Variants in A2ML1 observed in about 807,000 individuals in gnomAD.
The protein encoded by A2ML1 is alpha-2-macroglobulin-like protein 1.
Under a neutral mutation model 181.9 loss-of-function variants are expected in A2ML1, and 161 were observed. The observed-to-expected ratio is 0.89, with a 90% CI of 0.78 to 1.01. The LOEUF is 1.01. Ranked by LOEUF, A2ML1 falls within the 50% of genes least tolerant of loss-of-function variation. A2ML1 has a pLI of 0.00. For missense variants in A2ML1, 1,670 were observed against 1,768.1 expected, an observed-to-expected ratio of 0.94 and a Z score of 1.00; for synonymous variants, 663 against 666.8, an observed-to-expected ratio of 0.99 and a Z score of 0.09.
intron 33 of A2ML1, among the ~76,000 whole-genome samples, chr12:8,870,853 C>G (rs1944600126): frequency 6.6e-6 from 1 of 152,120 alleles, no homozygotes; most frequent in African/African-American, 2.4e-5. Flanking sequence ...CTCAGTGTGT[C>G]CTGCCAAATC....
At chr12:8,851,267 A>T (rs1481807519) in intron 18 of A2ML1, among the ~76,000 whole-genome samples, 1 of 152,192 alleles carries the variant, frequency 6.6e-6, no homozygotes, top group Non-Finnish European at 1.5e-5. Context: ...GCTTGCACAG[A>T]GATGCCCACC....
intron 7 of A2ML1, 144 bp downstream of exon 7, chr12:8,836,483 T>A (rs967525272): frequency 5.4e-5 from 5 of 92,014 alleles, no homozygotes; most frequent in East Asian, 3.8e-4. Flanking sequence ...TCCAAGACCT[T>A]TTTTTTTTTT....
chr12:8,872,630 A>G (rs1418539099), intron 33 of A2ML1, among the ~76,000 whole-genome samples: 1 of 151,934 alleles, frequency 6.6e-6, no homozygotes, highest in African/African-American at 2.4e-5. Context: ...CTGAAAACAC[A>G]AAAATTAGCT....
At chr12:8,836,200 G>C in intron 6 of A2ML1, 55 bp from the exon 7 acceptor site, 1 of 1,462,332 alleles carries the variant, frequency 6.8e-7, no homozygotes, top group Admixed American at 1.7e-5. Flanking sequence ...CTCACTGCCT[G>C]TCTGACTGAT....
chr12:8,843,448 C>A, intron 12 of A2ML1, 87 bp downstream of exon 12: 2 of 1,268,518 alleles, frequency 1.6e-6, no homozygotes, highest in Non-Finnish European at 2.2e-6. Flanking sequence ...CCTAGGCTAT[C>A]TGAATTGCAG....
At chr12:8,849,368 A>G (rs1347543132) in intron 16 of A2ML1, among the ~76,000 whole-genome samples, 6 of 152,154 alleles carry the variant, frequency 3.9e-5, no homozygotes, top group Non-Finnish European at 8.8e-5. Flanking sequence ...GTACGCTGAT[A>G]TGGTCCCTAC....
Position 8,829,614 on chromosome 12 carries a change from C to G in A2ML1, c.410-113C>G, listed in dbSNP as rs144521957. The G allele has an allele frequency of 2.1e-4, 208 of 1,012,324 alleles. 1 individual carries two copies. In the East Asian group the frequency reaches 4.8e-3, roughly 23 times the overall value. 62.7% of individuals were successfully genotyped at this position (1,012,324 alleles called of 1,614,324 possible). ...AGGCTGAAGTGAGCCACGGTTGTGC[C>G]ACTGCACTCCAACCTGGGTGACAGA... On this transcript the variant is annotated intron_variant, in intron 3 of 35. Coordinates refer to ENST00000299698, the MANE Select transcript of A2ML1 (RefSeq NM_144670.6).
chr12:8,858,006 C>A lies in A2ML1; in HGVS notation c.3168C>A (p.Pro1056=). The part of the protein sequence containing the change: ...GQAQKFIFID[P]KNIQDALKWM... ...CTCAGAAATTCATCTTCATTGATCC[C>A]AAGAACATCCAGGATGCTCTCAAGT... Residue 1056 remains proline, a synonymous_variant, in exon 26 of 36, where the codon CCC becomes CCA. Transcript: ENST00000299698. The A allele has an allele frequency of 6.2e-7, 1 of 1,614,164 alleles. No homozygotes were observed.
chr12:8,868,002 A>G lies in A2ML1; in HGVS notation c.3878A>G (p.Asn1293Ser), dbSNP rs201478459. The change falls in exon 30 of 36, where the codon AAT (asparagine) becomes AGT (serine). Residue 1293 changes from asparagine (N) to serine (S), a missense_variant. By Grantham distance (46) the Asn-to-Ser change is conservative. Transcript: ENST00000299698. ...RLVFQQDTLP[N>S]VPGMYTLEAS... ...GTATTTCAGCAGGATACCCTGCCCA[A>G]TGTCCCTGGAATGTACACGTTGGAG... 7.5e-4 allele frequency: 1,215 copies of G among 1,614,238 alleles called. 1 individual carries two copies. The highest frequency in any genetic ancestry group is 9.0e-4 in the Non-Finnish European group (1,064 of 1,180,044).
chr12:8,830,197 G>A (rs745491516), intron 4 of A2ML1, among the ~76,000 whole-genome samples: 27 of 151,956 alleles, frequency 1.8e-4, no homozygotes, highest in Admixed American at 1.5e-3. Context: ...AATTACAGGC[G>A]CGCACCATCA....
At chr12:8,850,067 C>G in intron 17 of A2ML1, 93 bp from the exon 18 acceptor site, 2 of 982,828 alleles carry the variant, frequency 2.0e-6, no homozygotes, top group South Asian at 3.2e-5. Context: ...CTGCTTCCCT[C>G]TAAATTTCTT....
chr12:8,846,934 T>A (rs1181917475), intron 14 of A2ML1, among the ~76,000 whole-genome samples: 3 of 151,842 alleles, frequency 2.0e-5, no homozygotes, highest in Non-Finnish European at 4.4e-5. Context: ...AGACCCTGTC[T>A]ATTTTTTTTA....
At chr12:8,836,228 C>A (rs750760910) in intron 6 of A2ML1, 27 bp from the exon 7 acceptor site, 52 of 1,604,228 alleles carry the variant, frequency 3.2e-5, no homozygotes, top group Non-Finnish European at 4.1e-5. Flanking sequence ...CCAGTGCTTT[C>A]TCCATTTCTC....
rs1943915587 is a variant in A2ML1, at chr12:8,852,178, T to G, written c.2464-32T>G. 1 of 1,613,458 alleles carries G rather than the reference T, an allele frequency of 6.2e-7. No homozygotes were observed. The highest frequency in any genetic ancestry group is 8.5e-7 in the Non-Finnish European group (1 of 1,179,904). On this transcript the variant is annotated intron_variant, in intron 19 of 35. Transcript: ENST00000299698. The surrounding 1 kb of genome is among the most constrained non-coding windows in gnomAD (Gnocchi z 4.2). ...GCCTCTATGCACTACCTCCTTTGTT[T>G]GTACCCTTTGTCTCTTAAACATCCT...
At chr12:8,870,275 C>CTT (rs11321118) in intron 33 of A2ML1, among the ~76,000 whole-genome samples, 2 of 149,078 alleles carry the variant, frequency 1.3e-5, no homozygotes, top group Non-Finnish European at 3.0e-5. Flanking sequence ...TTTCTTTTTT[C>CTT]TTTTTTTTTT....
chr12:8,867,251 A>G (rs930580253), intron 29 of A2ML1, among the ~76,000 whole-genome samples: 1 of 152,248 alleles, frequency 6.6e-6, no homozygotes, highest in African/African-American at 2.4e-5. Flanking sequence ...GCTTCTAGCA[A>G]TAACTCATTC....
rs765903113 is a variant in A2ML1 at position 8,841,503 on chromosome 12, A to G, written c.1215A>G (p.Thr405=). 1.1e-5 allele frequency: 17 copies of G among 1,613,994 alleles called. No individual in the cohort carries two copies. The South Asian group carries it at 1.3e-4, about 13-fold the overall frequency. The change falls in exon 11 of 36, where the codon ACA becomes ACG. Residue 405 remains threonine (T), a synonymous_variant. Coordinates refer to ENST00000299698, the MANE Select transcript of A2ML1 (RefSeq NM_144670.6). ...NNGLAPFTLE[T]SGWNGTDVSL... Reference sequence around the variant, plus strand: ...GCCTAGCTCCCTTTACCTTGGAGACATCCGGTTGGAATGGGACAGACGTTT... The same window carrying G: ...GCCTAGCTCCCTTTACCTTGGAGACGTCCGGTTGGAATGGGACAGACGTTT...
At chr12:8,840,946 A>AGAAGGAAG (rs1357677601) in intron 10 of A2ML1, among the ~76,000 whole-genome samples, 1 of 135,152 alleles carries the variant, frequency 7.4e-6, no homozygotes, top group Non-Finnish European at 1.6e-5. Flanking sequence ...AAGGAAGGAA[A>AGAAGGAAG]GAAGGAAGGA....
rs1944235050 is a variant in A2ML1 at position 8,860,882 on chromosome 12, G to A, written c.3266G>A (p.Gly1089Asp). The A allele has an allele frequency of 2.5e-6, 4 of 1,613,964 alleles. No individual in the cohort carries two copies. The highest frequency in any genetic ancestry group is 2.7e-5 in the African/African-American group (2 of 74,870). ...CACTGCCTCCCTGTTTGCCTCTAGGGTGGTGTTGATGATGAGGTCTCCTTG... is the reference window on the plus strand; with the variant it reads ...CACTGCCTCCCTGTTTGCCTCTAGGATGGTGTTGATGATGAGGTCTCCTTG... ...VGNLLHTAMKGGVDDEVSLTA... is the reference protein window; with the variant it reads ...VGNLLHTAMKDGVDDEVSLTA... The change falls in exon 27 of 36, where the codon GGT (glycine) becomes GAT (aspartate). Residue 1089 changes from glycine (G) to aspartate (D), a missense_variant and splice_region_variant. Physicochemically the swap from Gly to Asp is moderately conservative, Grantham distance 94. Transcript: ENST00000299698.
Sources: allele counts gnomAD v4.1 joint callset (sites outside exome capture counted in the v4.1 genomes callset), GRCh38; gene constraint gnomAD v4.1.1; non-coding constraint Gnocchi (gnomAD v3.1); transcripts MANE v1.5; gene names NCBI Gene and HGNC (gene_info 2026-07-23, HGNC 2026-07-21).